Variants in DIXDC1 observed in about 807,000 individuals in gnomAD.
The protein encoded by DIXDC1 is DIX domain containing 1.
A neutral mutation model predicts 103.1 loss-of-function variants in DIXDC1; 64 were observed. The ratio of observed to expected loss-of-function variants is 0.62; its 90% confidence interval spans 0.51 to 0.76. DIXDC1 has a LOEUF of 0.76. DIXDC1 is among the 30% of genes least tolerant of loss of function. DIXDC1 has a pLI of 0.00. For synonymous variants in DIXDC1, 266 were observed against 298.5 expected (o/e 0.89, Z 1.12); for missense variants, 759 against 834.2 (o/e 0.91, Z 1.11).
chr11:112,006,066 C>T (rs1200022504), intron 17 of DIXDC1, among the ~76,000 whole-genome samples: 6 of 152,194 alleles, frequency 3.9e-5, no homozygotes, highest in East Asian at 1.9e-4. Context: ...CTGGAAAAAA[C>T]GGAACACTCC....
intron 1 of DIXDC1, among the ~76,000 whole-genome samples, chr11:111,942,691 A>C (rs1179874679): frequency 1.3e-5 from 2 of 152,206 alleles, no homozygotes; most frequent in Non-Finnish European, 2.9e-5. Flanking sequence ...GAAATTTAAA[A>C]ATAAGTTTAG....
chr11:111,950,438 A>AT lies in DIXDC1; in HGVS notation c.60+12913dup, dbSNP rs59473485. 3.3e-4 allele frequency among the ~76,000 whole-genome samples: 5 copies of AT among 15,168 alleles called. 1 individual carries two copies. The highest frequency in any genetic ancestry group is 6.8e-4 in the African/African-American group (3 of 4,420). 10.0% of individuals were successfully genotyped at this position (15,168 alleles called of 152,430 possible). On this transcript the variant is annotated intron_variant, in intron 1 of 19. Transcript: ENST00000440460. ...TATATATATATATATATATATATATATTTTTTTTTTTTTTTTTTTTTTTTT... is the reference window on the plus strand; with the variant it reads ...TATATATATATATATATATATATATATTTTTTTTTTTTTTTTTTTTTTTTTT...
chr11:111,929,662 G>A (rs1205515497), intron 1 of DIXDC1, among the ~76,000 whole-genome samples: 1 of 151,902 alleles, frequency 6.6e-6, no homozygotes, highest in Non-Finnish European at 1.5e-5. Context: ...TCTTCAGCTG[G>A]ACTTCCTGCT....
chr11:111,981,706 G>A (rs1338099630), intron 6 of DIXDC1, among the ~76,000 whole-genome samples: 1 of 152,228 alleles, frequency 6.6e-6, no homozygotes, highest in Admixed American at 6.5e-5. Flanking sequence ...AAGAGTTTAT[G>A]CCTTTCTGAA....
In DIXDC1 at chr11:111,980,729, A is replaced by G. The variant is rs1454502047; in HGVS notation, c.657-8A>G. On this transcript the variant is annotated splice_polypyrimidine_tract_variant and splice_region_variant and intron_variant, in intron 5 of 19. Coordinates refer to ENST00000440460, the MANE Select transcript of DIXDC1 (RefSeq NM_001037954.4). ...TAATCGTTTTTCTTCCTTTTTCTTC[A>G]ATCACAGCCTGACTTCACCCAGTCC... 1.9e-6 allele frequency: 3 copies of G among 1,607,004 alleles called. No individual in the cohort carries two copies. Among genetic ancestry groups the G allele is most frequent in the African/African-American group, 2.7e-5 (2 of 74,564 alleles).
At chr11:111,975,266 C>G (rs1380312734) in intron 5 of DIXDC1, 2 of 1,229,144 alleles carry the variant, frequency 1.6e-6, no homozygotes, top group Admixed American at 3.5e-5. Context: ...CTGTCAGGGC[C>G]CAGTCCAGTG....
chr11:111,977,639 C>A lies in DIXDC1; in HGVS notation c.656+2656C>A. On this transcript the variant is annotated intron_variant, in intron 5 of 19. Coordinates refer to ENST00000440460, the MANE Select transcript of DIXDC1 (RefSeq NM_001037954.4). The surrounding 1 kb of genome is among the most constrained non-coding windows in gnomAD (Gnocchi z 6.1). ...CGAGCCGGGCCAGTAGCTTTGCTAG[C>A]TGGCCTTCCCGTGGAGGCGTTTTCC... 1 of 1,544,254 alleles carries A rather than the reference C, an allele frequency of 6.5e-7. No homozygotes were observed. The highest frequency in any genetic ancestry group is 8.7e-7 in the Non-Finnish European group (1 of 1,144,154).
intron 19 of DIXDC1, among the ~76,000 whole-genome samples, chr11:112,018,208 C>G (rs1235178926): frequency 1.3e-5 from 2 of 152,212 alleles, no homozygotes; most frequent in African/African-American, 4.8e-5. Context: ...TAGAAAACTT[C>G]TTGCTTCCTA....
chr11:111,979,133 G>A (rs1189796084), intron 5 of DIXDC1, among the ~76,000 whole-genome samples: 3 of 152,188 alleles, frequency 2.0e-5, no homozygotes, highest in Non-Finnish European at 4.4e-5. Context: ...GCTTTAAAAT[G>A]TTTTCTGTGG....
At chr11:111,993,820 A>G in intron 14 of DIXDC1, 80 bp downstream of exon 14, 2 of 1,503,114 alleles carry the variant, frequency 1.3e-6, no homozygotes, top group Non-Finnish European at 1.8e-6. Flanking sequence ...AGCTGAACCA[A>G]GGCCACAGGC....
chr11:112,003,171 A>G (rs1358773488), intron 17 of DIXDC1, among the ~76,000 whole-genome samples: 2 of 152,204 alleles, frequency 1.3e-5, no homozygotes, highest in Non-Finnish European at 1.5e-5. Flanking sequence ...AGTGTTTGAT[A>G]AGAAGTAGGG....
intron 17 of DIXDC1, among the ~76,000 whole-genome samples, chr11:112,000,855 G>A (rs1294437896): frequency 2.6e-5 from 4 of 152,150 alleles, no homozygotes; most frequent in African/African-American, 7.2e-5. Context: ...GGAGAAGTTG[G>A]AACTGTCATA....
At position 111,978,718 on chromosome 11, in the gene DIXDC1, A is replaced by G. The variant is rs587600182; in HGVS notation, c.657-2019A>G. Among the ~76,000 whole-genome samples the G allele has an allele frequency of 2.0e-5, 3 of 152,096 alleles. No homozygotes were observed. In the East Asian group the frequency reaches 5.8e-4, roughly 29 times the overall value. ...CCCCGATTTTGTCTCACACTTACCA[A>G]CTGTGGTCCAGCAAAGTCAGAGGAT... is the stretch of plus-strand genomic sequence containing the variant. On this transcript the variant is annotated intron_variant, in intron 5 of 19. Transcript: ENST00000440460.
chr11:111,994,531 A>G (rs116608041), intron 14 of DIXDC1, among the ~76,000 whole-genome samples: 3,915 of 151,124 alleles, frequency 0.026, 179 homozygotes, highest in African/African-American at 0.09. Context: ...ATATATGTAT[A>G]TGTGTGTATA....
At chr11:111,933,820 G>A (rs1255731474), upstream of DIXDC1, among the ~76,000 whole-genome samples, 1 of 151,380 alleles carries the variant, frequency 6.6e-6, no homozygotes, top group African/African-American at 2.4e-5. Context: ...GGCCATAATA[G>A]TTGTGTTACA....
chr11:111,937,327 C>A, upstream of DIXDC1: 1 of 1,395,048 alleles, frequency 7.2e-7, no homozygotes, highest in Non-Finnish European at 9.3e-7. Flanking sequence ...TGCGAGCATG[C>A]CCAGTGCAAG....
rs782273767 is a variant in DIXDC1 at position 112,017,873 on chromosome 11, T to A, written c.1959T>A (p.Thr653=). Residue 653 remains threonine (T), a synonymous_variant, in exon 19 of 20, where the codon ACT becomes ACA. Transcript: ENST00000440460. The surrounding 1 kb of genome is among the most constrained non-coding windows in gnomAD (Gnocchi z 4.0). ...AAGCACTGGATCCTGAGTTTGGCAC[T>A]GTCAAAGAGGAGGTAAAGAATCTGT... The part of the protein sequence containing the change: ...HFKALDPEFG[T]VKEEIFHDDD... 1 of 1,608,602 alleles carries A rather than the reference T, an allele frequency of 6.2e-7. No individual in the cohort carries two copies. The highest frequency in any genetic ancestry group is 1.7e-5 in the Admixed American group (1 of 59,370).
upstream of DIXDC1, among the ~76,000 whole-genome samples, chr11:111,935,983 T>C (rs1199065040): frequency 1.3e-5 from 2 of 152,224 alleles, no homozygotes; most frequent in African/African-American, 4.8e-5. Context: ...ATTGCTAGCC[T>C]GGCTGCTCTT....
At position 111,958,890 on chromosome 11, in the gene DIXDC1, G is replaced by C. The variant is rs1174534241; in HGVS notation, c.61-5659G>C. Reference sequence around the variant, plus strand: ...GCGGAGAGGAGCTACCCACTCCAGGGTCTCCTCCCTGCTGAATGGTGAGCA... The same window carrying C: ...GCGGAGAGGAGCTACCCACTCCAGGCTCTCCTCCCTGCTGAATGGTGAGCA... On this transcript the variant is annotated intron_variant, in intron 1 of 19. Transcript: ENST00000440460. This position sits in a 1 kb window ranked among gnomAD's most constrained non-coding sequence, Gnocchi z 4.2. Among the ~76,000 whole-genome samples the C allele has an allele frequency of 1.3e-5, 2 of 152,186 alleles. No individual in the cohort carries two copies. The highest frequency in any genetic ancestry group is 4.8e-5 in the African/African-American group (2 of 41,516).
Sources: allele counts gnomAD v4.1 joint callset (sites outside exome capture counted in the v4.1 genomes callset), GRCh38; gene constraint gnomAD v4.1.1; non-coding constraint Gnocchi (gnomAD v3.1); transcripts MANE v1.5; gene names NCBI Gene and HGNC (gene_info 2026-07-23, HGNC 2026-07-21).